Variants in BMPR1B observed in about 807,000 individuals in gnomAD.
BMPR1B encodes bone morphogenetic protein receptor type-1B.
A neutral mutation model predicts 59.1 loss-of-function variants in BMPR1B; 12 were observed. The observed-to-expected ratio is 0.20, with a 90% CI of 0.13 to 0.33. The LOEUF is 0.33. BMPR1B is among the 10% of genes least tolerant of loss of function. The pLI is 1.00. For synonymous variants in BMPR1B, 237 were observed against 207.3 expected, an observed-to-expected ratio of 1.14 and a Z score of -1.23; for missense variants, 550 against 610.9, an observed-to-expected ratio of 0.90 and a Z score of 1.05.
chr4:94,958,184 G>A (rs574749995), intron 2 of BMPR1B, among the ~76,000 whole-genome samples: 1 of 152,278 alleles, frequency 6.6e-6, no homozygotes, highest in Admixed American at 6.5e-5. Context: ...ATGTATCTGT[G>A]AGACCTTGAG....
intron 1 of BMPR1B, among the ~76,000 whole-genome samples, chr4:94,770,180 G>T (rs77897530): frequency 9.4e-6 from 1 of 106,268 alleles, no homozygotes; most frequent in South Asian, 3.1e-4. Context: ...CTTCGTTTCT[G>T]TGTTTGTTTT....
chr4:95,135,913 C>G lies in BMPR1B; in HGVS notation c.1076+4401C>G, dbSNP rs541464421. Among the ~76,000 whole-genome samples, 70 of 152,238 alleles carry G rather than the reference C, an allele frequency of 4.6e-4. 3 individuals carry two copies. In the South Asian group the frequency reaches 0.012, roughly 26 times the overall value. On this transcript the variant is annotated intron_variant, in intron 10 of 12. Transcript: ENST00000515059. Reference sequence around the variant, plus strand: ...TCCAACACTATGTCGAATAGGAGTGCTGAGAGAGGGCATCCCTGTCTAGTG... The same window carrying G: ...TCCAACACTATGTCGAATAGGAGTGGTGAGAGAGGGCATCCCTGTCTAGTG...
intron 3 of BMPR1B, among the ~76,000 whole-genome samples, chr4:95,095,386 G>C (rs1335051329): frequency 6.6e-6 from 1 of 152,058 alleles, no homozygotes; most frequent in Non-Finnish European, 1.5e-5. Flanking sequence ...TGCATTATTT[G>C]TTATCATAAC....
intron 3 of BMPR1B, among the ~76,000 whole-genome samples, chr4:95,093,543 T>A (rs564155900): frequency 6.6e-6 from 1 of 152,238 alleles, no homozygotes; most frequent in South Asian, 2.1e-4. Context: ...CTTATGATTT[T>A]TTTATGTCAT....
chr4:94,995,407 C>T (rs1721996598), intron 2 of BMPR1B, among the ~76,000 whole-genome samples: 1 of 151,854 alleles, frequency 6.6e-6, no homozygotes, highest in South Asian at 2.1e-4. Flanking sequence ...TGACCAATTA[C>T]TTAGTCACTG....
chr4:95,028,372 T>A (rs1340653771), intron 3 of BMPR1B, among the ~76,000 whole-genome samples: 3 of 152,296 alleles, frequency 2.0e-5, no homozygotes, highest in African/African-American at 7.2e-5. Flanking sequence ...GGAAGCATTA[T>A]GTTCATGTAT....
At chr4:94,943,697 C>T (rs1729605091) in intron 2 of BMPR1B, among the ~76,000 whole-genome samples, 2 of 152,142 alleles carry the variant, frequency 1.3e-5, no homozygotes, top group African/African-American at 4.8e-5. Context: ...TTCTCATGCT[C>T]TTCGTGTTAA....
intron 3 of BMPR1B, among the ~76,000 whole-genome samples, chr4:95,054,688 T>C (rs913616777): frequency 1.3e-5 from 2 of 152,144 alleles, no homozygotes; most frequent in African/African-American, 4.8e-5. Context: ...TTGAATATAG[T>C]GCAATGCATA....
rs146341293 is a variant in BMPR1B at position 95,116,728 on chromosome 4, C to T, written c.349+941C>T. ...CTCCTGGGCTCAGGCAGTCCTCCCA[C>T]CTCAGCCTCCCCAGTAGCTGGGAAA... is the stretch of plus-strand genomic sequence containing the variant. On this transcript the variant is annotated intron_variant, in intron 6 of 12. Transcript: ENST00000515059. Among the ~76,000 whole-genome samples, 4 of 151,892 alleles carry T rather than the reference C, an allele frequency of 2.6e-5. No homozygotes were observed. In the East Asian group the frequency reaches 7.7e-4, roughly 29 times the overall value.
intron 1 of BMPR1B, among the ~76,000 whole-genome samples, chr4:94,818,219 T>G (rs1300225807): frequency 6.6e-6 from 1 of 152,212 alleles, no homozygotes; most frequent in Non-Finnish European, 1.5e-5. Context: ...TTTTATTATT[T>G]TAGTTTAGTA....
chr4:94,860,815 T>C (rs971041876), intron 1 of BMPR1B, among the ~76,000 whole-genome samples: 4 of 133,028 alleles, frequency 3.0e-5, no homozygotes, highest in Non-Finnish European at 1.5e-5. Flanking sequence ...AAACCTTTTA[T>C]ATGTCTTTTA....
intron 1 of BMPR1B, among the ~76,000 whole-genome samples, chr4:94,850,127 G>A (rs1482874812): frequency 6.6e-6 from 1 of 152,090 alleles, no homozygotes; most frequent in African/African-American, 2.4e-5. Context: ...TGAGACAATG[G>A]AGGGAGATTA....
At chr4:94,887,024 T>C (rs977840613) in intron 2 of BMPR1B, among the ~76,000 whole-genome samples, 1 of 152,070 alleles carries the variant, frequency 6.6e-6, no homozygotes, top group African/African-American at 2.4e-5. Context: ...TGCATTGCTT[T>C]TCAGGGAGGG....
intron 2 of BMPR1B, among the ~76,000 whole-genome samples, chr4:94,990,170 A>G (rs146326177): frequency 2.7e-4 from 41 of 152,270 alleles, no homozygotes; most frequent in African/African-American, 9.6e-4. Context: ...AGCCTGGCCA[A>G]TATGGTGAAA....
intron 2 of BMPR1B, among the ~76,000 whole-genome samples, chr4:94,919,143 G>A (rs905218755): frequency 6.6e-6 from 1 of 152,076 alleles, no homozygotes; most frequent in Non-Finnish European, 1.5e-5. Context: ...CTTTCAACAT[G>A]GCTGTACCTT....
At chr4:95,124,931 C>T (rs1310769332) in intron 7 of BMPR1B, 52 bp from the exon 8 acceptor site, 1 of 1,530,708 alleles carries the variant, frequency 6.5e-7, no homozygotes, top group East Asian at 2.3e-5. Context: ...CAATATTTTA[C>T]TCCATCATTG....
intron 2 of BMPR1B, among the ~76,000 whole-genome samples, chr4:94,969,304 G>A (rs765742699): frequency 2.3e-4 from 35 of 152,174 alleles, no homozygotes; most frequent in Middle Eastern, 3.4e-3. Context: ...CAAAGTGTTG[G>A]GATCACAGCT....
At chr4:94,975,678 T>A (rs1014816248) in intron 2 of BMPR1B, among the ~76,000 whole-genome samples, 2 of 152,180 alleles carry the variant, frequency 1.3e-5, no homozygotes, top group Non-Finnish European at 2.9e-5. Context: ...ATTTGTTTTT[T>A]AAAATATCAT....
intron 2 of BMPR1B, among the ~76,000 whole-genome samples, chr4:94,966,663 A>G (rs1050916071): frequency 2.6e-5 from 4 of 152,182 alleles, no homozygotes; most frequent in East Asian, 3.8e-4. Flanking sequence ...TAACTGGGGA[A>G]TTGCATAGCC....
Sources: allele counts gnomAD v4.1 joint callset (sites outside exome capture counted in the v4.1 genomes callset), GRCh38; gene constraint gnomAD v4.1.1; transcripts MANE v1.5; gene names NCBI Gene and HGNC (gene_info 2026-07-23, HGNC 2026-07-21).